TLE4: variants seen among roughly 807,000 people sequenced by gnomAD.
TLE4 encodes the protein TLE family member 4, transcriptional corepressor.
In TLE4, 8 loss-of-function variants were observed where a neutral mutation model predicts 92.8. The ratio of observed to expected loss-of-function variants is 0.09; its 90% CI spans 0.05 to 0.16. The LOEUF (loss-of-function observed/expected upper bound fraction) is 0.16. Among genes scored for constraint, TLE4 ranks in the 10% least tolerant of loss-of-function variants. The probability of loss-of-function intolerance (pLI) is 1.00; values close to 1 mark genes in which losing one functional copy is unlikely to be tolerated. For synonymous variants in TLE4, 371 were observed against 374.1 expected, an observed-to-expected ratio of 0.99 and a Z score of 0.10; for missense variants, 675 against 997.6, an observed-to-expected ratio of 0.68 and a Z score of 4.36.
intron 6 of TLE4, among the ~76,000 whole-genome samples, chr9:79,644,563 G>T (rs185187277): frequency 6.6e-6 from 1 of 152,162 alleles, no homozygotes; most frequent in African/African-American, 2.4e-5. Context: ...TGACTCTGAG[G>T]CCACTTCATT....
chr9:79,675,229 G>A (rs1394584623), intron 8 of TLE4, among the ~76,000 whole-genome samples: 2 of 151,948 alleles, frequency 1.3e-5, no homozygotes, highest in Admixed American at 1.3e-4. Flanking sequence ...GGATTAAGTA[G>A]GGACCACTTG....
intron 1 of TLE4, 91 bp from the exon 2 acceptor site, chr9:79,573,598 A>T: frequency 9.2e-7 from 1 of 1,087,498 alleles, no homozygotes; most frequent in South Asian, 1.7e-5. Flanking sequence ...GATGACCCTC[A>T]CCCCCCGCTA....
chr9:79,667,475 T>TC (rs2061583685), intron 8 of TLE4, among the ~76,000 whole-genome samples: 1 of 152,222 alleles, frequency 6.6e-6, no homozygotes. Context: ...TCAAAATTCA[T>TC]CCAGGGAATT....
At position 79,652,806 on chromosome 9, in the gene TLE4, T is replaced by C. The variant is rs1431683506; in HGVS notation, c.592+12T>C. The C allele has an allele frequency of 6.2e-7, 1 of 1,613,440 alleles. No homozygotes were observed. The highest frequency in any genetic ancestry group is 8.5e-7 in the Non-Finnish European group (1 of 1,179,552). Reference sequence around the variant, plus strand: ...TGATCACCAAAGAGGTGAGTAACTCTCTTGGAATGCCAATCTGAGATGACC... The same window carrying C: ...TGATCACCAAAGAGGTGAGTAACTCCCTTGGAATGCCAATCTGAGATGACC... On this transcript the variant is annotated intron_variant, in intron 7 of 19. Transcript: ENST00000376552.
intron 14 of TLE4, among the ~76,000 whole-genome samples, chr9:79,714,511 C>A (rs2074072557): frequency 6.6e-6 from 1 of 152,184 alleles, no homozygotes; most frequent in Admixed American, 6.5e-5. Context: ...GCTATTCTTG[C>A]TATCTGGAAT....
chr9:79,670,591 T>G lies in TLE4; in HGVS notation c.609+16516T>G, dbSNP rs560246144. Among the ~76,000 whole-genome samples the G allele has an allele frequency of 3.9e-5, 6 of 152,274 alleles. No homozygotes were observed. The South Asian group carries it at 6.2e-4, about 16-fold the overall frequency. On this transcript the variant is annotated intron_variant, in intron 8 of 19. Transcript: ENST00000376552. ...CTTGTTAACGGTGACTCAAGGTGAC[T>G]CTACATACTCTGTTCAAACTGCATT...
At chr9:79,625,564 CT>C (rs956686718) in intron 5 of TLE4, among the ~76,000 whole-genome samples, 17 of 148,546 alleles carry the variant, frequency 1.1e-4, no homozygotes, top group South Asian at 2.1e-4. Context: ...TTCTATCCTA[CT>C]TTTTTTTTTG....
chr9:79,572,222 CT>C lies in TLE4; in HGVS notation c.-565del, dbSNP rs2036022055. On this transcript the variant is annotated 5_prime_UTR_variant, in exon 1 of 20. Transcript: ENST00000376552. Reference sequence around the variant, plus strand: ...TGTGGTAAAAGAAGCTAAAAGGTGCCTTTTAAAAGATCGTTGCTGTGAAGTG... The same window carrying C: ...TGTGGTAAAAGAAGCTAAAAGGTGCCTTTAAAAGATCGTTGCTGTGAAGTG... 1 of 151,924 alleles carries C rather than the reference CT, an allele frequency of 6.6e-6. No individual in the cohort carries two copies. Among genetic ancestry groups the C allele is most frequent in the Admixed American group, 6.5e-5 (1 of 15,268 alleles). 9.4% of individuals were successfully genotyped at this position (151,924 alleles called of 1,614,324 possible). A position where few individuals can be genotyped will look rare whatever the true frequency, so the allele number is the denominator to read the frequency against.
At chr9:79,666,214 T>G (rs149898878) in intron 8 of TLE4, among the ~76,000 whole-genome samples, 2,911 of 51,720 alleles carry the variant, frequency 0.056, 56 homozygotes, top group Non-Finnish European at 0.11. Flanking sequence ...GTTTTTTTTT[T>G]TTGTTTTTTT....
Position 79,702,695 on chromosome 9 carries a change from CCT to C in TLE4, c.610-2086_610-2085del, listed in dbSNP as rs371676073. 2.6e-4 allele frequency among the ~76,000 whole-genome samples: 40 copies of C among 152,260 alleles called. 1 individual carries two copies. In the East Asian group the frequency reaches 7.0e-3, roughly 27 times the overall value. On this transcript the variant is annotated intron_variant, in intron 8 of 19. Coordinates refer to ENST00000376552, the MANE Select transcript of TLE4 (RefSeq NM_007005.6). ...CTAGGGCTAGAGTATTCATATAAAACCTCAAGAGGGGCTGGCACAGCAGGGAC... is the reference window on the plus strand; with the variant it reads ...CTAGGGCTAGAGTATTCATATAAAACCAAGAGGGGCTGGCACAGCAGGGAC...
chr9:79,653,709 C>A (rs958407376), intron 7 of TLE4, among the ~76,000 whole-genome samples: 3 of 152,124 alleles, frequency 2.0e-5, no homozygotes, highest in African/African-American at 7.2e-5. Flanking sequence ...GCATAAATAT[C>A]CATCTCTGAT....
chr9:79,662,837 G>A (rs999289427), intron 8 of TLE4, among the ~76,000 whole-genome samples: 1 of 152,154 alleles, frequency 6.6e-6, no homozygotes, highest in Non-Finnish European at 1.5e-5. Context: ...GATTGTCTCC[G>A]TGTGTTCTTT....
chr9:79,647,357 G>A (rs1221922823), intron 6 of TLE4, among the ~76,000 whole-genome samples: 1 of 152,034 alleles, frequency 6.6e-6, no homozygotes, highest in Non-Finnish European at 1.5e-5. Context: ...TTTAGTGGTA[G>A]TTATATTTAA....
chr9:79,655,149 A>G (rs893656632), intron 8 of TLE4, among the ~76,000 whole-genome samples: 3 of 147,830 alleles, frequency 2.0e-5, no homozygotes, highest in Non-Finnish European at 3.0e-5. Context: ...TCAAAAATAC[A>G]TACATACATA....
chr9:79,711,152 C>G (rs978998756), intron 14 of TLE4, among the ~76,000 whole-genome samples: 9 of 152,224 alleles, frequency 5.9e-5, no homozygotes, highest in African/African-American at 2.2e-4. Context: ...TCTACAGACT[C>G]TATCCTAACC....
intron 4 of TLE4, among the ~76,000 whole-genome samples, chr9:79,611,853 T>C (rs1227296759): frequency 6.6e-6 from 1 of 150,850 alleles, no homozygotes; most frequent in Non-Finnish European, 1.5e-5. Flanking sequence ...TAGCATCTTA[T>C]TGGTTTAAAA....
rs2075808013 is a variant in TLE4, at chr9:79,722,519, A to G, written c.2055A>G (p.Glu685=). The part of the protein sequence containing the change: ...LAVGMENSNV[E]VLHVTKPDKY... ...TGGGGATGGAGAACAGCAATGTGGAAGTTTTGCATGTCACCAAGCCAGACA... is the reference window on the plus strand; with the variant it reads ...TGGGGATGGAGAACAGCAATGTGGAGGTTTTGCATGTCACCAAGCCAGACA... The change falls in exon 18 of 20, where the codon GAA becomes GAG. Residue 685 remains glutamate, a synonymous_variant. Coordinates refer to ENST00000376552, the MANE Select transcript of TLE4 (RefSeq NM_007005.6). 1 of 1,614,080 alleles carries G rather than the reference A, an allele frequency of 6.2e-7. No homozygotes were observed. The highest frequency in any genetic ancestry group is 1.7e-5 in the Admixed American group (1 of 60,000).
At chr9:79,613,742 A>G (rs2048885841) in intron 5 of TLE4, among the ~76,000 whole-genome samples, 1 of 152,106 alleles carries the variant, frequency 6.6e-6, no homozygotes, top group Non-Finnish European at 1.5e-5. Flanking sequence ...TGCCAATGTT[A>G]TGTGGCCAAT....
chr9:79,722,427 C>T (rs767655217), intron 17 of TLE4, 24 bp from the exon 18 acceptor site: 1 of 1,612,976 alleles, frequency 6.2e-7, no homozygotes, highest in Non-Finnish European at 8.5e-7. Context: ...TGGCCACTGT[C>T]ACCATCACCT....
Sources: allele counts gnomAD v4.1 joint callset (sites outside exome capture counted in the v4.1 genomes callset), GRCh38; gene constraint gnomAD v4.1.1; transcripts MANE v1.5; gene names NCBI Gene and HGNC (gene_info 2026-07-23, HGNC 2026-07-21).